Variants in DCC observed in about 807,000 individuals in gnomAD.
The protein encoded by DCC is DCC netrin 1 receptor.
In DCC, 58 loss-of-function variants were observed where a neutral mutation model predicts 172.5. The observed-to-expected ratio is 0.34, with a 90% CI of 0.27 to 0.42. The LOEUF (loss-of-function observed/expected upper bound fraction) is 0.42. Among genes scored for constraint, DCC ranks in the 10% least tolerant of loss-of-function variants. The pLI, the probability that DCC is intolerant of heterozygous loss-of-function variation, is 1.00. For synonymous variants in DCC, 709 were observed against 644.5 expected, an observed-to-expected ratio of 1.10 and a Z score of -1.52; for missense variants, 1,740 against 1,791.0, an observed-to-expected ratio of 0.97 and a Z score of 0.51.
chr18:53,157,691 C>G (rs1205098309), intron 8 of DCC, among the ~76,000 whole-genome samples, 179 bp downstream of exon 8: 1 of 152,128 alleles, frequency 6.6e-6, no homozygotes, highest in African/African-American at 2.4e-5. Flanking sequence ...GTTGTTGACA[C>G]AGTCTAATGA....
rs1909014235 is a variant in DCC, at chr18:53,397,293, T to C, written c.2689-15T>C. 6.2e-7 allele frequency: 1 copy of C among 1,611,766 alleles called. No homozygotes were observed. Among genetic ancestry groups the C allele is most frequent in the African/African-American group, 1.3e-5 (1 of 74,820 alleles). Reference sequence around the variant, plus strand: ...AGTTTATTTTTTATCTCTTTGCTATTTCCTACTTGTATAGTCAGAAGACAC... The same window carrying C: ...AGTTTATTTTTTATCTCTTTGCTATCTCCTACTTGTATAGTCAGAAGACAC... On this transcript the variant is annotated splice_polypyrimidine_tract_variant and intron_variant, in intron 17 of 28. Coordinates refer to ENST00000442544, the MANE Select transcript of DCC (RefSeq NM_005215.4).
chr18:52,766,801 C>T (rs8083288), intron 2 of DCC, among the ~76,000 whole-genome samples: 5 of 151,706 alleles, frequency 3.3e-5, no homozygotes, highest in Non-Finnish European at 7.4e-5. Flanking sequence ...ATAAGTTCTC[C>T]TTTTAGGTGG....
At chr18:52,893,630 AC>A (rs1004247394) in intron 2 of DCC, among the ~76,000 whole-genome samples, 1 of 152,132 alleles carries the variant, frequency 6.6e-6, no homozygotes, top group African/African-American at 2.4e-5. Context: ...CTGTATTCCT[AC>A]CTTGGAATTC....
intron 2 of DCC, among the ~76,000 whole-genome samples, chr18:52,793,993 G>C (rs1192721665): frequency 6.6e-6 from 1 of 151,818 alleles, no homozygotes; most frequent in East Asian, 1.9e-4. Flanking sequence ...ATATTTCTGG[G>C]TTTTATATTG....
chr18:53,039,794 T>C (rs2042144317), intron 5 of DCC, among the ~76,000 whole-genome samples: 2 of 152,014 alleles, frequency 1.3e-5, no homozygotes, highest in African/African-American at 2.4e-5. Flanking sequence ...TGGATCCTTT[T>C]CACTTTTCCT....
At chr18:53,175,663 C>T (rs941307404) in intron 8 of DCC, among the ~76,000 whole-genome samples, 3 of 151,888 alleles carry the variant, frequency 2.0e-5, no homozygotes, top group African/African-American at 4.8e-5. Context: ...AACCACTGCT[C>T]AATGAAATCA....
intron 11 of DCC, among the ~76,000 whole-genome samples, chr18:53,211,673 G>T (rs992462134): frequency 5.3e-5 from 8 of 151,826 alleles, no homozygotes; most frequent in African/African-American, 1.9e-4. Flanking sequence ...GCAGTGAGCC[G>T]AGATCGTGCC....
intron 1 of DCC, among the ~76,000 whole-genome samples, chr18:52,414,893 T>G (rs1356637427): frequency 6.6e-6 from 1 of 152,238 alleles, no homozygotes; most frequent in African/African-American, 2.4e-5. Flanking sequence ...CAGGGAAAAC[T>G]AGTTGGCATA....
intron 2 of DCC, among the ~76,000 whole-genome samples, chr18:52,866,282 T>C (rs1350807842): frequency 6.6e-6 from 1 of 152,176 alleles, no homozygotes; most frequent in Admixed American, 6.5e-5. Flanking sequence ...CCATGCTGTT[T>C]TGGTTACTGT....
intron 1 of DCC, among the ~76,000 whole-genome samples, chr18:52,533,735 T>C (rs530919079): frequency 0.058 from 8,782 of 152,226 alleles, 322 homozygotes; most frequent in Middle Eastern, 0.11. Context: ...GAATACAAGT[T>C]TTTATTTATC....
intron 15 of DCC, among the ~76,000 whole-genome samples, chr18:53,358,904 G>A (rs1033241080): frequency 6.6e-6 from 1 of 152,156 alleles, no homozygotes; most frequent in African/African-American, 2.4e-5. Context: ...AATAAGTGTG[G>A]TCACATAGTT....
chr18:52,347,710 T>C (rs1983939614), intron 1 of DCC, among the ~76,000 whole-genome samples: 1 of 152,266 alleles, frequency 6.6e-6, no homozygotes, highest in African/African-American at 2.4e-5. Context: ...TAGAGGAATA[T>C]CTAATTAGTT....
chr18:52,579,046 G>A (rs1007830824), intron 1 of DCC, among the ~76,000 whole-genome samples: 3 of 152,152 alleles, frequency 2.0e-5, no homozygotes, highest in African/African-American at 7.2e-5. Flanking sequence ...TTAAGCAACT[G>A]CTTATAAATT....
chr18:52,871,894 G>T (rs2039324967), intron 2 of DCC, among the ~76,000 whole-genome samples: 1 of 152,092 alleles, frequency 6.6e-6, no homozygotes, highest in African/African-American at 2.4e-5. Flanking sequence ...AGCAAAAAGG[G>T]ACAATTATTT....
chr18:53,283,136 C>A (rs115906205), intron 12 of DCC, among the ~76,000 whole-genome samples: 30 of 152,032 alleles, frequency 2.0e-4, no homozygotes, highest in Non-Finnish European at 3.5e-4. Context: ...TTTGTTCAAG[C>A]GTTTCAGTAT....
At chr18:52,825,502 T>C (rs1298645782) in intron 2 of DCC, among the ~76,000 whole-genome samples, 4 of 152,182 alleles carry the variant, frequency 2.6e-5, no homozygotes, top group African/African-American at 7.2e-5. Flanking sequence ...ATGGTATTGA[T>C]TTCTATTATA....
intron 1 of DCC, among the ~76,000 whole-genome samples, chr18:52,488,662 A>G (rs1401117540): frequency 6.6e-6 from 1 of 152,098 alleles, no homozygotes; most frequent in Non-Finnish European, 1.5e-5. Context: ...AAATGCTGTA[A>G]AAGTCTCACC....
chr18:52,986,974 C>T lies in DCC; in HGVS notation c.985+61604C>T, dbSNP rs536527746. Among the ~76,000 whole-genome samples, 3 of 152,206 alleles carry T rather than the reference C, an allele frequency of 2.0e-5. No homozygotes were observed. The South Asian group carries it at 6.2e-4, about 32-fold the overall frequency. ...AGTAGCTGGGATTACAGGCGCACAC[C>T]ACTAACACCTGGCTATTTTTTGTAT... On this transcript the variant is annotated intron_variant, in intron 5 of 28. Transcript: ENST00000442544.
At chr18:52,715,283 AT>A (rs941073416) in intron 1 of DCC, among the ~76,000 whole-genome samples, 1 of 91,004 alleles carries the variant, frequency 1.1e-5, no homozygotes, top group Non-Finnish European at 2.0e-5. Context: ...AAAACACTAC[AT>A]TTTTTCTTTT....
Sources: gnomAD v4.1 joint callset for allele counts (sites outside exome capture counted in the v4.1 genomes callset) on GRCh38, gnomAD v4.1.1 for gene constraint, MANE v1.5 for transcripts, NCBI Gene and HGNC (gene_info 2026-07-23, HGNC 2026-07-21) for gene names.